CADM2: variants seen among roughly 807,000 people sequenced by gnomAD.
CADM2 encodes the protein cell adhesion molecule 2, also known as immunoglobulin superfamily member 4D.
CADM2 carries 12 observed loss-of-function variants against 49.8 expected under a neutral mutation model. The ratio of observed to expected loss-of-function variants is 0.24; its 90% CI spans 0.15 to 0.39. The LOEUF is 0.39. Ranked by LOEUF, CADM2 falls within the 10% of genes least tolerant of loss-of-function variation. CADM2 has a pLI of 1.00. For missense variants in CADM2, 378 were observed against 492.3 expected (o/e 0.77, Z 2.20); for synonymous variants, 214 against 175.4 (o/e 1.22, Z -1.74).
intron 1 of CADM2, among the ~76,000 whole-genome samples, chr3:85,581,435 GA>G (rs11440569): frequency 2.4e-3 from 297 of 121,352 alleles, no homozygotes; most frequent in African/African-American, 4.4e-3. Context: ...GTTGTTTCAA[GA>G]AAAAAAAAAA....
chr3:85,451,986 A>G (rs1019456511), intron 1 of CADM2, among the ~76,000 whole-genome samples: 1 of 152,138 alleles, frequency 6.6e-6, no homozygotes, highest in Non-Finnish European at 1.5e-5. Flanking sequence ...GGGCAAGTCT[A>G]TATGACTTTG....
At chr3:85,797,678 G>C (rs1251732769) in intron 2 of CADM2, among the ~76,000 whole-genome samples, 1 of 152,124 alleles carries the variant, frequency 6.6e-6, no homozygotes, top group Non-Finnish European at 1.5e-5. Context: ...ATTTGGGTTG[G>C]TTCCAAGTCT....
intron 3 of CADM2, among the ~76,000 whole-genome samples, chr3:85,851,989 T>C (rs1251193543): frequency 6.6e-6 from 1 of 152,156 alleles, no homozygotes; most frequent in South Asian, 2.1e-4. Flanking sequence ...GAGATTCTTG[T>C]AATATAACTA....
At chr3:85,291,973 A>C (rs1245767273) in intron 1 of CADM2, among the ~76,000 whole-genome samples, 1 of 152,146 alleles carries the variant, frequency 6.6e-6, no homozygotes, top group Non-Finnish European at 1.5e-5. Context: ...TAAATTCTCC[A>C]ATTAAAAGAC....
chr3:86,054,195 T>C (rs1737653455), intron 8 of CADM2, among the ~76,000 whole-genome samples: 1 of 151,762 alleles, frequency 6.6e-6, no homozygotes, highest in Non-Finnish European at 1.5e-5. Context: ...TGATGATCTC[T>C]TTATAATGAT....
intron 1 of CADM2, among the ~76,000 whole-genome samples, chr3:85,243,880 T>G (rs1051683812): frequency 6.6e-6 from 1 of 152,084 alleles, no homozygotes; most frequent in African/African-American, 2.4e-5. Context: ...AGATCCAATA[T>G]TCTTCTTTGT....
chr3:85,410,745 G>A (rs1376952458), intron 1 of CADM2, among the ~76,000 whole-genome samples: 1 of 152,184 alleles, frequency 6.6e-6, no homozygotes, highest in Non-Finnish European at 1.5e-5. Flanking sequence ...GGACACTGAA[G>A]TGCATCACCA....
At position 85,221,662 on chromosome 3, in the gene CADM2, A is replaced by G. The variant is rs143454330; in HGVS notation, c.61+261994A>G. On this transcript the variant is annotated intron_variant, in intron 1 of 9. Coordinates refer to ENST00000383699, the MANE Select transcript of CADM2 (RefSeq NM_001167675.2). Reference sequence around the variant, plus strand: ...TATAGGCATTATGCCATAAATATATATAAGAAAAAGTAAAGCTATGTAAAA... The same window carrying G: ...TATAGGCATTATGCCATAAATATATGTAAGAAAAAGTAAAGCTATGTAAAA... 2.4e-3 allele frequency among the ~76,000 whole-genome samples: 358 copies of G among 152,298 alleles called. 2 individuals are homozygous for G. Among genetic ancestry groups the G allele is most frequent in the African/African-American group, 8.2e-3 (339 of 41,564 alleles).
intron 1 of CADM2, among the ~76,000 whole-genome samples, chr3:85,362,941 G>C (rs918608280): frequency 6.6e-6 from 1 of 152,102 alleles, no homozygotes; most frequent in African/African-American, 2.4e-5. Flanking sequence ...GAGAGTCTCA[G>C]GGCATCTCTA....
intron 1 of CADM2, among the ~76,000 whole-genome samples, chr3:85,691,271 C>CT (rs2066378211): frequency 6.6e-6 from 1 of 152,310 alleles, no homozygotes; most frequent in East Asian, 1.9e-4. Flanking sequence ...TCTTTTAAGA[C>CT]TGAATTCCTC....
At chr3:85,692,848 C>A (rs753448516) in intron 1 of CADM2, among the ~76,000 whole-genome samples, 4 of 152,170 alleles carry the variant, frequency 2.6e-5, no homozygotes, top group African/African-American at 7.2e-5. Flanking sequence ...GCTCATTAAG[C>A]TTATTTTGAT....
intron 1 of CADM2, among the ~76,000 whole-genome samples, chr3:85,087,596 G>C (rs1415854711): frequency 6.6e-6 from 1 of 152,034 alleles, no homozygotes; most frequent in African/African-American, 2.4e-5. Context: ...AAATGAAAGG[G>C]TAATGTTCAT....
Position 85,153,107 on chromosome 3 carries a change from C to T in CADM2, c.61+193439C>T, listed in dbSNP as rs531368964. Reference sequence around the variant, plus strand: ...CCAAGATGGCCAAATAGGAACAGCTCCAGTCTCCAGCTCCCAGCGTGAGCG... The same window carrying T: ...CCAAGATGGCCAAATAGGAACAGCTTCAGTCTCCAGCTCCCAGCGTGAGCG... On this transcript the variant is annotated intron_variant, in intron 1 of 9. Transcript: ENST00000383699. 1.1e-4 allele frequency among the ~76,000 whole-genome samples: 17 copies of T among 152,270 alleles called. No homozygotes were observed. The South Asian group carries it at 2.9e-3, about 26-fold the overall frequency.
At chr3:85,867,792 A>G (rs1351480010) in intron 3 of CADM2, among the ~76,000 whole-genome samples, 2 of 152,090 alleles carry the variant, frequency 1.3e-5, no homozygotes, top group Admixed American at 1.3e-4. Flanking sequence ...AGTGATAAAA[A>G]CAGTGAATCG....
intron 1 of CADM2, among the ~76,000 whole-genome samples, chr3:85,307,098 A>G (rs191945479): frequency 1.8e-4 from 27 of 151,646 alleles, no homozygotes; most frequent in Non-Finnish European, 3.5e-4. Context: ...TCACGTATCA[A>G]TTTGAGATTA....
intron 8 of CADM2, among the ~76,000 whole-genome samples, chr3:86,040,151 C>A (rs1310489777): frequency 2.0e-5 from 3 of 152,096 alleles, no homozygotes; most frequent in Non-Finnish European, 4.4e-5. Context: ...AGCAGAAAAA[C>A]TGGAAACTCT....
At chr3:85,662,612 A>G (rs181561194) in intron 1 of CADM2, among the ~76,000 whole-genome samples, 7 of 152,110 alleles carry the variant, frequency 4.6e-5, no homozygotes, top group Admixed American at 2.6e-4. Context: ...TGCAAATGAT[A>G]CTTTTGTCAG....
intron 8 of CADM2, among the ~76,000 whole-genome samples, chr3:86,058,673 T>G (rs1559830596): frequency 6.6e-6 from 1 of 152,068 alleles, no homozygotes; most frequent in East Asian, 1.9e-4. Context: ...TTTCTTTGTA[T>G]AAAAATGTCC....
At chr3:85,947,061 A>G (rs865796097) in intron 7 of CADM2, among the ~76,000 whole-genome samples, 5 of 152,110 alleles carry the variant, frequency 3.3e-5, no homozygotes, top group African/African-American at 1.2e-4. Flanking sequence ...GCAAATGGCT[A>G]ATATCCAGAA....
Sources: allele counts gnomAD v4.1 joint callset (sites outside exome capture counted in the v4.1 genomes callset), GRCh38; gene constraint gnomAD v4.1.1; transcripts MANE v1.5; gene names NCBI Gene and HGNC (gene_info 2026-07-23, HGNC 2026-07-21).